Variants in HIPK2 observed in about 807,000 individuals in gnomAD.
HIPK2 encodes homeodomain-interacting protein kinase 2.
HIPK2 carries 27 observed loss-of-function variants against 113.7 expected under a neutral mutation model. That is an observed-to-expected ratio of 0.24 (90% CI 0.17 to 0.33). HIPK2 has a LOEUF of 0.33. Among genes scored for constraint, HIPK2 ranks in the 10% least tolerant of loss-of-function variants. HIPK2 has a pLI of 1.00. For missense variants in HIPK2, 1,257 were observed against 1,588.0 expected, an observed-to-expected ratio of 0.79 and a Z score of 3.54; for synonymous variants, 631 against 642.2, an observed-to-expected ratio of 0.98 and a Z score of 0.26.
intron 6 of HIPK2, among the ~76,000 whole-genome samples, chr7:139,621,452 AAAAGT>A (rs1800230386): frequency 6.6e-6 from 1 of 152,242 alleles, no homozygotes; most frequent in South Asian, 2.1e-4. Context: ...CCCCAACTAC[AAAAGT>A]AAAGTATAAA....
intron 1 of HIPK2, among the ~76,000 whole-genome samples, chr7:139,738,526 A>G (rs1316258807): frequency 6.6e-6 from 1 of 152,214 alleles, no homozygotes; most frequent in Non-Finnish European, 1.5e-5. Context: ...GGAATAAAGC[A>G]CCATGATATT....
At chr7:139,717,831 G>C (rs1451787448) in intron 1 of HIPK2, among the ~76,000 whole-genome samples, 1 of 151,868 alleles carries the variant, frequency 6.6e-6, no homozygotes, top group African/African-American at 2.4e-5. Context: ...TGCCACCTCT[G>C]CCTCCCAGGT....
chr7:139,759,016 C>G (rs1796406229), intron 1 of HIPK2, among the ~76,000 whole-genome samples: 1 of 151,880 alleles, frequency 6.6e-6, no homozygotes. Context: ...CTAAGTAAAC[C>G]AAAACATGCA....
rs116725218 is a variant in HIPK2 at position 139,613,846 on chromosome 7, G to A, written c.1990+440C>T. Among the ~76,000 whole-genome samples the A allele has an allele frequency of 4.8e-3, 725 of 152,250 alleles. 3 individuals carry two copies. Among genetic ancestry groups the A allele is most frequent in the African/African-American group, 0.016 (684 of 41,544 alleles). ...ATGGCCAAAGAATTGTTTTGAGGAG[G>A]GGTCCCAGGGAAGTACTTTTCAGAC... On this transcript the variant is annotated intron_variant, in intron 8 of 14. Transcript: ENST00000406875. The surrounding 1 kb of genome is among the most constrained non-coding windows in gnomAD (Gnocchi z 4.2).
chr7:139,571,954 T>G lies in HIPK2; in HGVS notation c.*973A>C, dbSNP rs1025812166. The G allele has an allele frequency of 1.3e-5, 2 of 152,262 alleles. No homozygotes were observed. Among genetic ancestry groups the G allele is most frequent in the South Asian group, 2.1e-4 (1 of 4,836 alleles). The allele number at this position is 152,262 out of a possible 1,614,324, so 9.4% of individuals were successfully genotyped here. A position where few individuals can be genotyped will look rare whatever the true frequency, so the allele number is the denominator to read the frequency against. On this transcript the variant is annotated 3_prime_UTR_variant, in exon 15 of 15. Transcript: ENST00000406875. ...CATGCCTATGTTATATCGCTTTTTT[T>G]TGTGCAATTACATTGAGGAATATTC...
At chr7:139,676,618 A>G (rs1802503471) in intron 2 of HIPK2, among the ~76,000 whole-genome samples, 1 of 152,138 alleles carries the variant, frequency 6.6e-6, no homozygotes, top group East Asian at 1.9e-4. Flanking sequence ...GGTTCAACAG[A>G]CCAAAGCTAG....
Position 139,631,099 on chromosome 7 carries a change from TG to T in HIPK2, c.1347+65del. The T allele has an allele frequency of 1.3e-6, 2 of 1,533,950 alleles. 1 individual carries two copies. The highest frequency in any genetic ancestry group is 1.8e-6 in the Non-Finnish European group (2 of 1,138,898). On this transcript the variant is annotated intron_variant, in intron 4 of 14. Coordinates refer to ENST00000406875, the MANE Select transcript of HIPK2 (RefSeq NM_022740.5). This position sits in a 1 kb window ranked among gnomAD's most constrained non-coding sequence, Gnocchi z 4.9. ...GACTGAATCAAAAGCTCCCCACTAA[TG>T]GGTCTACGGCCCTCTTCCCTAAGCG...
chr7:139,690,914 A>C (rs1487435467), intron 2 of HIPK2, among the ~76,000 whole-genome samples: 2 of 152,156 alleles, frequency 1.3e-5, no homozygotes, highest in African/African-American at 2.4e-5. Context: ...CTTGATAGCA[A>C]CACTAAAGGG....
chr7:139,701,811 G>A (rs1794717354), intron 2 of HIPK2, among the ~76,000 whole-genome samples: 1 of 152,206 alleles, frequency 6.6e-6, no homozygotes. Context: ...GGGGAATGGG[G>A]CAGAACTGGG....
chr7:139,685,813 A>G (rs1405965767), intron 2 of HIPK2, among the ~76,000 whole-genome samples: 1 of 152,224 alleles, frequency 6.6e-6, no homozygotes, highest in East Asian at 1.9e-4. Context: ...CTTTCAAGAT[A>G]TGACTGCTCA....
At chr7:139,729,324 TGAGAGAGAGAGAGA>T (rs71170912) in intron 1 of HIPK2, among the ~76,000 whole-genome samples, 4,543 of 69,144 alleles carry the variant, frequency 0.066, 185 homozygotes, top group East Asian at 0.13. Context: ...ACCCTGTCTC[TGAGAGAGAGAGAGA>T]GAGAGAGAGA....
chr7:139,573,497 A>G, intron 14 of HIPK2, 100 bp from the exon 15 acceptor site: 1 of 1,064,072 alleles, frequency 9.4e-7, no homozygotes, highest in Non-Finnish European at 1.4e-6. Flanking sequence ...AGAGAAGGGA[A>G]AGACTCCAGA....
At chr7:139,575,560 G>C (rs781507491) in intron 13 of HIPK2, among the ~76,000 whole-genome samples, 1 of 152,258 alleles carries the variant, frequency 6.6e-6, no homozygotes, top group Non-Finnish European at 1.5e-5. Flanking sequence ...GAGAGGCAAG[G>C]TGGGCTGGTG....
At position 139,567,216 on chromosome 7, in the gene HIPK2, G is replaced by A. The variant is rs1798119931; in HGVS notation, c.*5711C>T. ...CTGCTATTCCGAGCCCAGCCCCCGC[G>A]TGCTCTACGCCCTTGATGCAACTGA... is the stretch of plus-strand genomic sequence containing the variant. On this transcript the variant is annotated 3_prime_UTR_variant, in exon 15 of 15. Coordinates refer to ENST00000406875, the MANE Select transcript of HIPK2 (RefSeq NM_022740.5). 6.6e-6 allele frequency: 1 copy of A among 152,126 alleles called. No homozygotes were observed. 9.4% of individuals were successfully genotyped at this position (152,126 alleles called of 1,614,324 possible). A position where few individuals can be genotyped will look rare whatever the true frequency, so the allele number is the denominator to read the frequency against.
Position 139,562,613 on chromosome 7 carries a change from C to CTGA in HIPK2, c.*10311_*10313dup, listed in dbSNP as rs1199102445. 1 of 152,304 alleles carries CTGA rather than the reference C, an allele frequency of 6.6e-6. No individual in the cohort carries two copies. Among genetic ancestry groups the CTGA allele is most frequent in the Non-Finnish European group, 1.5e-5 (1 of 68,084 alleles). The allele number at this position is 152,304 out of a possible 1,614,324, so 9.4% of individuals were successfully genotyped here. ...TCTGATTTGTTGCCCCCGTCACCCA[C>CTGA]TGATGCGCTTGAAGCTGGGACCCAG... On this transcript the variant is annotated 3_prime_UTR_variant, in exon 15 of 15. Coordinates refer to ENST00000406875, the MANE Select transcript of HIPK2 (RefSeq NM_022740.5).
chr7:139,701,672 G>T (rs1794713353), intron 2 of HIPK2, among the ~76,000 whole-genome samples: 1 of 152,208 alleles, frequency 6.6e-6, no homozygotes, highest in South Asian at 2.1e-4. Flanking sequence ...CAGGGCCTAA[G>T]AAATATATCA....
intron 13 of HIPK2, among the ~76,000 whole-genome samples, chr7:139,578,146 A>C (rs1427933649): frequency 1.3e-5 from 2 of 152,102 alleles, no homozygotes; most frequent in Non-Finnish European, 2.9e-5. Context: ...AGTAGCTGGG[A>C]CTACAGGCGC....
At chr7:139,674,187 T>C (rs1048744350) in intron 2 of HIPK2, among the ~76,000 whole-genome samples, 17 of 152,272 alleles carry the variant, frequency 1.1e-4, no homozygotes, top group Admixed American at 1.1e-3. Context: ...TGCGGCACTT[T>C]TTAGTTTATA....
At chr7:139,773,054 T>A (rs902911575) in intron 1 of HIPK2, among the ~76,000 whole-genome samples, 18 of 152,224 alleles carry the variant, frequency 1.2e-4, no homozygotes, top group African/African-American at 3.6e-4. Flanking sequence ...GGGATTAAGA[T>A]TTTGTCATTT....
Sources: allele counts gnomAD v4.1 joint callset (sites outside exome capture counted in the v4.1 genomes callset), GRCh38; gene constraint gnomAD v4.1.1; non-coding constraint Gnocchi (gnomAD v3.1); transcripts MANE v1.5; gene names NCBI Gene and HGNC (gene_info 2026-07-23, HGNC 2026-07-21).